EXOC4: variants seen among roughly 807,000 people sequenced by gnomAD.
The protein encoded by EXOC4 is exocyst complex component 4, also known as SEC8-like 1.
A neutral mutation model predicts 107.2 loss-of-function variants in EXOC4; 71 were observed. The ratio of observed to expected loss-of-function variants is 0.66; its 90% CI spans 0.55 to 0.81. EXOC4 has a LOEUF of 0.81. EXOC4 is among the 30% of genes least tolerant of loss of function. EXOC4 has a pLI of 0.00. For synonymous variants in EXOC4, 456 were observed against 441.2 expected (o/e 1.03, Z -0.42); for missense variants, 1,108 against 1,189.6 (o/e 0.93, Z 1.01).
chr7:133,828,568 G>A (rs888903483), intron 11 of EXOC4, among the ~76,000 whole-genome samples: 4 of 152,104 alleles, frequency 2.6e-5, no homozygotes, highest in Admixed American at 6.5e-5. Context: ...AAGTTTAATG[G>A]CCATTTAAGA....
chr7:133,593,906 T>C (rs1390403967), intron 9 of EXOC4, among the ~76,000 whole-genome samples: 2 of 152,230 alleles, frequency 1.3e-5, no homozygotes, highest in Non-Finnish European at 2.9e-5. Context: ...ACACACATTT[T>C]ATGTAGTTAT....
In EXOC4 at chr7:133,898,469, G is replaced by A. The variant is rs73156917; in HGVS notation, c.1871+2734G>A. Among the ~76,000 whole-genome samples, 1,240 of 152,110 alleles carry A rather than the reference G, an allele frequency of 8.2e-3. 24 individuals carry two copies. Among genetic ancestry groups the A allele is most frequent in the Non-Finnish European group, 0.012 (833 of 67,990 alleles). On this transcript the variant is annotated intron_variant, in intron 12 of 17. Coordinates refer to ENST00000253861, the MANE Select transcript of EXOC4 (RefSeq NM_021807.4). ...ATTTTAACTATTAAAACTTAGGCCC[G>A]ATGCAGTGGCTCACGCCTGTAATCT...
chr7:133,938,089 C>T lies in EXOC4; in HGVS notation c.2206+20C>T. The T allele has an allele frequency of 6.2e-7, 1 of 1,613,142 alleles. No individual in the cohort carries two copies. Among genetic ancestry groups the T allele is most frequent in the Non-Finnish European group, 8.5e-7 (1 of 1,179,226 alleles). On this transcript the variant is annotated intron_variant, in intron 14 of 17. Transcript: ENST00000253861. Reference sequence around the variant, plus strand: ...CCCAGAGTAAGTATCTAGTAGGAAGCTGTTGTGGGGACAGTTGAGGAACTA... The same window carrying T: ...CCCAGAGTAAGTATCTAGTAGGAAGTTGTTGTGGGGACAGTTGAGGAACTA...
intron 7 of EXOC4, among the ~76,000 whole-genome samples, chr7:133,443,812 G>T (rs953958282): frequency 1.8e-4 from 28 of 152,142 alleles, no homozygotes; most frequent in African/African-American, 6.3e-4. Flanking sequence ...TCTCAAAGGG[G>T]CATGTAGTGC....
the EXOC4 span, among the ~76,000 whole-genome samples, chr7:134,084,730 A>T: frequency 1.7e-3 from 259 of 150,464 alleles, 5 homozygotes; most frequent in African/African-American, 5.8e-3. Context: ...AAAAAAAAAA[A>T]TTCACCAAAA....
chr7:133,430,721 T>C (rs1206719061), intron 7 of EXOC4, among the ~76,000 whole-genome samples: 1 of 152,202 alleles, frequency 6.6e-6, no homozygotes, highest in Non-Finnish European at 1.5e-5. Context: ...CATTTTATAT[T>C]CCACCACGCA....
In EXOC4 at chr7:133,275,174, AT is replaced by A; in HGVS notation, c.276+5del. 1 of 1,589,490 alleles carries A rather than the reference AT, an allele frequency of 6.3e-7. No individual in the cohort carries two copies. The highest frequency in any genetic ancestry group is 8.6e-7 in the Non-Finnish European group (1 of 1,166,040). ...ACTCCCGAAATAAAATAAAGCAGGTATTCCTCCTTTCTGGTCTGATGGTGGC... is the reference window on the plus strand; with the variant it reads ...ACTCCCGAAATAAAATAAAGCAGGTATCCTCCTTTCTGGTCTGATGGTGGC... On this transcript the variant is annotated splice_donor_region_variant and intron_variant, in intron 2 of 17. Transcript: ENST00000253861.
At chr7:133,941,823 C>CTCTCTCTCTCTG (rs769709956) in intron 14 of EXOC4, among the ~76,000 whole-genome samples, 2 of 146,142 alleles carry the variant, frequency 1.4e-5, no homozygotes, top group Admixed American at 6.8e-5. Flanking sequence ...CTTACAGATT[C>CTCTCTCTCTCTG]TCTCTCTCTC....
chr7:133,787,963 TTATA>T (rs1163259405), intron 10 of EXOC4, among the ~76,000 whole-genome samples: 138 of 40,914 alleles, frequency 3.4e-3, no homozygotes, highest in African/African-American at 5.9e-3. Context: ...ATTTATATAT[TTATA>T]TATATATATA....
At chr7:133,395,516 C>T (rs1056705767) in intron 7 of EXOC4, among the ~76,000 whole-genome samples, 4 of 151,974 alleles carry the variant, frequency 2.6e-5, no homozygotes, top group African/African-American at 7.3e-5. Context: ...GATGCAAATA[C>T]GGCACAAGAA....
At chr7:133,522,614 T>A (rs1800000987) in intron 9 of EXOC4, among the ~76,000 whole-genome samples, 1 of 152,158 alleles carries the variant, frequency 6.6e-6, no homozygotes, top group Admixed American at 6.5e-5. Context: ...TGTTACTATC[T>A]TTGTTTTCAA....
intron 14 of EXOC4, among the ~76,000 whole-genome samples, chr7:133,981,082 G>A (rs890586334): frequency 1.1e-4 from 16 of 152,164 alleles, no homozygotes; most frequent in African/African-American, 3.4e-4. Flanking sequence ...ATTTACACCT[G>A]CAAAGTCTGT....
chr7:133,795,896 T>C (rs558147305), intron 10 of EXOC4, among the ~76,000 whole-genome samples: 1 of 152,324 alleles, frequency 6.6e-6, no homozygotes, highest in South Asian at 2.1e-4. Flanking sequence ...TTTAAAAACA[T>C]CCTTAAGCTT....
At chr7:133,420,135 C>T (rs372769224) in intron 7 of EXOC4, among the ~76,000 whole-genome samples, 108 of 131,538 alleles carry the variant, frequency 8.2e-4, no homozygotes, top group Middle Eastern at 3.7e-3. Context: ...CCCACCCCAC[C>T]ACAGTCCCCA....
chr7:134,053,651 C>A (rs898396334), intron 17 of EXOC4, among the ~76,000 whole-genome samples: 2 of 151,136 alleles, frequency 1.3e-5, no homozygotes, highest in Non-Finnish European at 2.9e-5. Context: ...AATTAAAGCT[C>A]ATTTAAAGGA....
intron 5 of EXOC4, among the ~76,000 whole-genome samples, chr7:133,340,423 C>CTTTTTTTTTTTTTTTTTT (rs200341512): frequency 7.7e-6 from 1 of 129,558 alleles, no homozygotes; most frequent in Non-Finnish European, 1.7e-5. Flanking sequence ...TAGTATTTTT[C>CTTTTTTTTTTTTTTTTTT]TTTTTTTTTT....
intron 12 of EXOC4, among the ~76,000 whole-genome samples, chr7:133,908,761 T>G (rs1585240657): frequency 1.3e-5 from 2 of 152,266 alleles, no homozygotes; most frequent in East Asian, 3.8e-4. Flanking sequence ...ATTGGTGTTT[T>G]GTATTATTGA....
intron 9 of EXOC4, among the ~76,000 whole-genome samples, chr7:133,514,776 C>T (rs1291518537): frequency 6.6e-6 from 1 of 152,084 alleles, no homozygotes; most frequent in Non-Finnish European, 1.5e-5. Flanking sequence ...AGGTTTTATA[C>T]TTAGGAGTGC....
chr7:133,869,869 C>A (rs1427573344), intron 11 of EXOC4, among the ~76,000 whole-genome samples: 1 of 152,214 alleles, frequency 6.6e-6, no homozygotes. Context: ...TGTTAGCTAA[C>A]TCCCAGTTCA....
Sources: allele counts gnomAD v4.1 joint callset (sites outside exome capture counted in the v4.1 genomes callset), GRCh38; gene constraint gnomAD v4.1.1; transcripts MANE v1.5; gene names NCBI Gene and HGNC (gene_info 2026-07-23, HGNC 2026-07-21).